The following PCBP3 variants were observed in gnomAD, a reference collection of about 807,000 sequenced individuals.
PCBP3 encodes poly(rC) binding protein 3.
A neutral mutation model predicts 52.7 loss-of-function variants in PCBP3; 25 were observed. The observed-to-expected ratio is 0.47, with a 90% CI of 0.35 to 0.66. The LOEUF is 0.66. Ranked by LOEUF, PCBP3 falls within the 30% of genes least tolerant of loss-of-function variation. PCBP3 has a pLI of 0.01. For missense variants in PCBP3, 391 were observed against 490.3 expected (o/e 0.80, Z 1.91); for synonymous variants, 162 against 183.0 (o/e 0.89, Z 0.93).
intron 6 of PCBP3, among the ~76,000 whole-genome samples, chr21:45,898,742 C>T (rs1209850607): frequency 1.1e-4 from 7 of 64,100 alleles, no homozygotes; most frequent in African/African-American, 4.7e-4. Flanking sequence ...CCCCTCTGCA[C>T]GCCGTCCTCA....
At position 45,805,882 on chromosome 21, in the gene PCBP3, C is replaced by T. The variant is rs554546088; in HGVS notation, c.-125-44079C>T. Among the ~76,000 whole-genome samples the T allele has an allele frequency of 1.6e-4, 25 of 152,172 alleles. No individual in the cohort carries two copies. The highest frequency in any genetic ancestry group is 4.2e-4 in the South Asian group (2 of 4,818). ...TCGGATGGTCCTGAGGAAAGGAGGG[C>T]GAGAGCAGAGCTGGGGGGGCGGGCC... On this transcript the variant is annotated intron_variant, in intron 4 of 17. Transcript: ENST00000681687. The surrounding 1 kb of genome is among the most constrained non-coding windows in gnomAD (Gnocchi z 4.6).
intron 14 of PCBP3, among the ~76,000 whole-genome samples, chr21:45,930,465 C>A (rs977276656): frequency 7.2e-5 from 11 of 152,194 alleles, no homozygotes; most frequent in Non-Finnish European, 1.5e-4. Context: ...AGCAGTGACC[C>A]GAGTCAGCCC....
intron 6 of PCBP3, among the ~76,000 whole-genome samples, chr21:45,898,222 T>TG (rs1374984733): frequency 2.2e-4 from 33 of 152,266 alleles, no homozygotes; most frequent in Admixed American, 3.3e-4. Context: ...CTGCACTCTG[T>TG]GGGGGAGGTG....
intron 13 of PCBP3, among the ~76,000 whole-genome samples, chr21:45,920,512 AG>A (rs2074289232): frequency 6.6e-6 from 1 of 152,216 alleles, no homozygotes; most frequent in African/African-American, 2.4e-5. Flanking sequence ...TAATGATTTG[AG>A]ATACCTGGTG....
At chr21:45,738,536 G>A (rs903815656) in intron 3 of PCBP3, among the ~76,000 whole-genome samples, 2 of 152,206 alleles carry the variant, frequency 1.3e-5, no homozygotes, top group Non-Finnish European at 2.9e-5. Flanking sequence ...TTCCAGTCGT[G>A]AGCCACTGCG....
chr21:45,911,081 C>G, intron 11 of PCBP3, 51 bp downstream of exon 11: 3 of 1,595,328 alleles, frequency 1.9e-6, no homozygotes, highest in Non-Finnish European at 8.5e-7. Context: ...ATTTGGCCTC[C>G]CAGCACTGCA....
At chr21:45,780,981 G>T (rs1333644181) in intron 4 of PCBP3, among the ~76,000 whole-genome samples, 2 of 152,164 alleles carry the variant, frequency 1.3e-5, no homozygotes, top group African/African-American at 4.8e-5. Flanking sequence ...GGGCTGTGGG[G>T]GTAAGTGGGG....
intron 5 of PCBP3, among the ~76,000 whole-genome samples, chr21:45,868,411 C>CTTTTTTTTT (rs1232045625): frequency 8.8e-6 from 1 of 113,674 alleles, no homozygotes; most frequent in Non-Finnish European, 1.8e-5. Flanking sequence ...CTTATTTGTT[C>CTTTTTTTTT]TTTTTTTTTT....
chr21:45,644,789 A>T (rs1467758), intron 1 of PCBP3, among the ~76,000 whole-genome samples: 34,980 of 152,078 alleles, frequency 0.23, 4,780 homozygotes, highest in African/African-American at 0.37. Flanking sequence ...TTTAGAGATT[A>T]GACTGGGCAA....
intron 3 of PCBP3, among the ~76,000 whole-genome samples, chr21:45,738,981 T>TTCA (rs2086127673): frequency 1.2e-5 from 1 of 84,612 alleles, no homozygotes; most frequent in African/African-American, 4.8e-5. Flanking sequence ...CCCCCCCATC[T>TTCA]TCAGCCCACC....
chr21:45,789,274 TG>T (rs2091374599), intron 4 of PCBP3, among the ~76,000 whole-genome samples: 1 of 152,344 alleles, frequency 6.6e-6, no homozygotes, highest in African/African-American at 2.4e-5. Context: ...CATGTATGTG[TG>T]TGATTGTGCA....
At chr21:45,716,887 A>G (rs1276962760) in intron 2 of PCBP3, among the ~76,000 whole-genome samples, 3 of 152,128 alleles carry the variant, frequency 2.0e-5, no homozygotes, top group African/African-American at 7.2e-5. Context: ...CAGCTTGTCA[A>G]TTTCTGTCAG....
chr21:45,654,131 A>G (rs1328950252), intron 1 of PCBP3, among the ~76,000 whole-genome samples: 2 of 152,104 alleles, frequency 1.3e-5, no homozygotes, highest in Non-Finnish European at 2.9e-5. Flanking sequence ...ATTGGTATTA[A>G]TAGTATTATT....
intron 2 of PCBP3, among the ~76,000 whole-genome samples, chr21:45,685,241 G>A (rs75900404): frequency 0.17 from 26,492 of 152,126 alleles, 2,919 homozygotes; most frequent in Non-Finnish European, 0.24. Context: ...TAAAGGTTGT[G>A]GGGAAGGGAA....
At chr21:45,726,171 G>A (rs552836056) in intron 2 of PCBP3, among the ~76,000 whole-genome samples, 6 of 152,244 alleles carry the variant, frequency 3.9e-5, no homozygotes, top group East Asian at 1.9e-4. Context: ...GCAGGATGAC[G>A]TGGGGAGGGT....
chr21:45,777,042 A>G (rs1160854256), intron 4 of PCBP3, among the ~76,000 whole-genome samples: 1 of 152,044 alleles, frequency 6.6e-6, no homozygotes, highest in Non-Finnish European at 1.5e-5. Flanking sequence ...ATGTTGGTAA[A>G]TGTCATCTTT....
intron 2 of PCBP3, among the ~76,000 whole-genome samples, chr21:45,727,332 T>G (rs2085121774): frequency 6.6e-6 from 1 of 152,216 alleles, no homozygotes; most frequent in Admixed American, 6.5e-5. Flanking sequence ...TCAAAATCAC[T>G]TGTTCATATG....
chr21:45,902,004 C>T (rs1334888768), intron 9 of PCBP3, among the ~76,000 whole-genome samples: 2 of 152,148 alleles, frequency 1.3e-5, no homozygotes, highest in Non-Finnish European at 2.9e-5. Flanking sequence ...GGGGTCGGCG[C>T]CATCTTCTGT....
intron 1 of PCBP3, among the ~76,000 whole-genome samples, chr21:45,657,680 A>AT (rs2080106464): frequency 6.6e-6 from 1 of 151,978 alleles, no homozygotes; most frequent in Non-Finnish European, 1.5e-5. Flanking sequence ...TCTGGAAAAA[A>AT]AAAAAGGCAG....
Sources: gnomAD v4.1 joint callset for allele counts (sites outside exome capture counted in the v4.1 genomes callset) on GRCh38, gnomAD v4.1.1 for gene constraint, Gnocchi (gnomAD v3.1) non-coding constraint, MANE v1.5 for transcripts, NCBI Gene and HGNC (gene_info 2026-07-23, HGNC 2026-07-21) for gene names.